DCHS2: variants seen among roughly 807,000 people sequenced by gnomAD.
DCHS2 encodes dachsous cadherin-related 2.
Under a neutral mutation model 182.4 loss-of-function variants are expected in DCHS2, and 142 were observed. That is an observed-to-expected ratio of 0.78 (90% CI 0.68 to 0.89). DCHS2 has a LOEUF of 0.89. DCHS2 is among the 40% of genes least tolerant of loss of function. The pLI is 0.00. For missense variants in DCHS2, 4,319 were observed against 4,198.6 expected (o/e 1.03, Z -0.79); for synonymous variants, 1,740 against 1,663.3 (o/e 1.05, Z -1.12).
chr4:154,322,601 G>A, intron 7 of DCHS2, 113 bp from the exon 8 acceptor site: 2 of 1,332,392 alleles, frequency 1.5e-6, no homozygotes, highest in East Asian at 2.7e-5. Context: ...TGAATTCTAT[G>A]AGAGTATGAA....
chr4:154,420,657 GC>G (rs1271813824), intron 1 of DCHS2, among the ~76,000 whole-genome samples: 1 of 152,056 alleles, frequency 6.6e-6, no homozygotes, highest in Non-Finnish European at 1.5e-5. Flanking sequence ...CTCTATCTGG[GC>G]CCTCAACTGA....
At chr4:154,358,925 ATG>A (rs1328045477) in intron 3 of DCHS2, among the ~76,000 whole-genome samples, 2 of 151,712 alleles carry the variant, frequency 1.3e-5, no homozygotes, top group African/African-American at 4.8e-5. Context: ...TATGTAATAT[ATG>A]TGTGTATCAT....
At chr4:154,476,535 C>T (rs960726923) in intron 1 of DCHS2, among the ~76,000 whole-genome samples, 1 of 152,192 alleles carries the variant, frequency 6.6e-6, no homozygotes, top group Non-Finnish European at 1.5e-5. Flanking sequence ...TTCACTGTTA[C>T]CCTGCAGAAT....
At chr4:154,308,994 C>G (rs907080240) in intron 10 of DCHS2, among the ~76,000 whole-genome samples, 4 of 152,104 alleles carry the variant, frequency 2.6e-5, no homozygotes, top group Non-Finnish European at 4.4e-5. Context: ...AATCTAAATA[C>G]CTTACCACAG....
chr4:154,436,293 T>A (rs1422202577), intron 1 of DCHS2, among the ~76,000 whole-genome samples: 1 of 152,250 alleles, frequency 6.6e-6, no homozygotes, highest in African/African-American at 2.4e-5. Context: ...CTGCCCATTT[T>A]TCTTAAAAAT....
chr4:154,417,202 T>TGAGA (rs1393416915), intron 1 of DCHS2, among the ~76,000 whole-genome samples: 88 of 41,990 alleles, frequency 2.1e-3, no homozygotes, highest in African/African-American at 4.9e-3. Flanking sequence ...TGTGTGTGTG[T>TGAGA]GTGAGAGAGA....
chr4:154,238,791 A>G (rs1034211110), intron 19 of DCHS2, among the ~76,000 whole-genome samples: 2 of 152,190 alleles, frequency 1.3e-5, no homozygotes, highest in African/African-American at 4.8e-5. Flanking sequence ...CTCTAGTAAT[A>G]TGAAGTCTTC....
chr4:154,339,363 G>A (rs139260151), intron 3 of DCHS2, among the ~76,000 whole-genome samples: 2,337 of 152,184 alleles, frequency 0.015, 20 homozygotes, highest in Middle Eastern at 0.034. Flanking sequence ...CACCCACAGA[G>A]ACACCCAGAA....
At chr4:154,245,908 G>A (rs1732047424) in intron 16 of DCHS2, among the ~76,000 whole-genome samples, 1 of 152,154 alleles carries the variant, frequency 6.6e-6, no homozygotes, top group South Asian at 2.1e-4. Flanking sequence ...GAGTGATAAT[G>A]ATGTGTCAGT....
chr4:154,282,513 A>C (rs78184722), intron 13 of DCHS2, among the ~76,000 whole-genome samples: 2,616 of 152,076 alleles, frequency 0.017, 72 homozygotes, highest in African/African-American at 0.057. Flanking sequence ...TAAAAAAAAA[A>C]CAGAAAATAA....
intron 10 of DCHS2, among the ~76,000 whole-genome samples, chr4:154,312,003 T>A (rs1735687484): frequency 6.6e-6 from 1 of 151,816 alleles, no homozygotes; most frequent in East Asian, 1.9e-4. Context: ...ATAATAGAAT[T>A]TTTTAATATA....
intron 13 of DCHS2, among the ~76,000 whole-genome samples, chr4:154,283,535 C>T (rs1287331375): frequency 6.6e-6 from 1 of 150,954 alleles, no homozygotes; most frequent in Non-Finnish European, 1.5e-5. Context: ...TTGATTAAGT[C>T]TGAAATAGAT....
chr4:154,273,335 T>C (rs767851108), intron 13 of DCHS2, among the ~76,000 whole-genome samples: 9 of 152,136 alleles, frequency 5.9e-5, no homozygotes, highest in Non-Finnish European at 1.3e-4. Flanking sequence ...AGACTATTAT[T>C]CTAAGTGAAG....
chr4:154,252,661 T>C (rs76736996), intron 16 of DCHS2, among the ~76,000 whole-genome samples: 5,137 of 62,434 alleles, frequency 0.082, 252 homozygotes, highest in African/African-American at 0.12. Flanking sequence ...CATTCTTCTT[T>C]TTTTCTTTTA....
At chr4:154,337,470 G>A (rs932260039) in intron 3 of DCHS2, among the ~76,000 whole-genome samples, 2 of 151,964 alleles carry the variant, frequency 1.3e-5, no homozygotes, top group South Asian at 2.1e-4. Context: ...TAGACACATC[G>A]ATGGCTCCCC....
chr4:154,393,337 G>A (rs1731789232), intron 1 of DCHS2, among the ~76,000 whole-genome samples: 1 of 152,100 alleles, frequency 6.6e-6, no homozygotes, highest in Non-Finnish European at 1.5e-5. Context: ...TAATCTCTCA[G>A]TGTTCCAAGT....
In DCHS2 at chr4:154,377,460, G is replaced by A; in HGVS notation, c.2053-16C>T. The A allele has an allele frequency of 6.3e-7, 1 of 1,595,638 alleles. No homozygotes were observed. The highest frequency in any genetic ancestry group is 1.3e-5 in the African/African-American group (1 of 74,400). On this transcript the variant is annotated splice_polypyrimidine_tract_variant and intron_variant, in intron 1 of 19. Coordinates refer to ENST00000357232, the MANE Select transcript of DCHS2 (RefSeq NM_001358235.2). Reference sequence around the variant, plus strand: ...AGGCTGTCACCTGTGAGACAGGAGGGTGATCAGGAGGAAACAGAAATGCTA... The same window carrying A: ...AGGCTGTCACCTGTGAGACAGGAGGATGATCAGGAGGAAACAGAAATGCTA...
intron 14 of DCHS2, among the ~76,000 whole-genome samples, chr4:154,267,197 A>G (rs140644100): frequency 3.3e-5 from 5 of 152,302 alleles, no homozygotes; most frequent in African/African-American, 1.2e-4. Flanking sequence ...GATCTGCATC[A>G]ATCAATTAGT....
intron 7 of DCHS2, chr4:154,323,377 T>C: frequency 6.5e-7 from 1 of 1,540,816 alleles, no homozygotes; most frequent in Non-Finnish European, 8.7e-7. Flanking sequence ...TTACCCAGGC[T>C]GGAGCGCAAT....
Sources: allele counts gnomAD v4.1 joint callset (sites outside exome capture counted in the v4.1 genomes callset), GRCh38; gene constraint gnomAD v4.1.1; transcripts MANE v1.5; gene names NCBI Gene and HGNC (gene_info 2026-07-23, HGNC 2026-07-21).